EIF2B3: variants seen among roughly 807,000 people sequenced by gnomAD.
EIF2B3 encodes the protein eukaryotic translation initiation factor 2B subunit gamma, also known as translation initiation factor eIF2B subunit gamma.
A neutral mutation model predicts 54.1 loss-of-function variants in EIF2B3; 20 were observed. The observed-to-expected ratio is 0.37, with a 90% CI of 0.26 to 0.54. The LOEUF (loss-of-function observed/expected upper bound fraction) is 0.54, where lower values mean the gene tolerates loss of function less well. Ranked by LOEUF, EIF2B3 falls within the 20% of genes least tolerant of loss-of-function variation. The probability of loss-of-function intolerance (pLI) is 0.86; values close to 1 mark genes in which losing one functional copy is unlikely to be tolerated. For missense variants in EIF2B3, 448 were observed against 547.8 expected (o/e 0.82, Z 1.82); for synonymous variants, 153 against 188.1 (o/e 0.81, Z 1.52).
At chr1:44,976,296 GAACA>G in intron 3 of EIF2B3, among the ~76,000 whole-genome samples, 1 of 152,212 alleles carries the variant, frequency 6.6e-6, no homozygotes, top group South Asian at 2.1e-4. Flanking sequence ...CAAATGCTTT[GAACA>G]GACACTTCAT....
chr1:44,945,268 G>A (rs1353659480), intron 3 of EIF2B3, among the ~76,000 whole-genome samples: 1 of 148,930 alleles, frequency 6.7e-6, no homozygotes, highest in Non-Finnish European at 1.5e-5. Context: ...AAAAAAAAAA[G>A]TTCCCACTGG....
chr1:44,860,201 G>A (rs1393915127), intron 10 of EIF2B3, among the ~76,000 whole-genome samples: 1 of 152,092 alleles, frequency 6.6e-6, no homozygotes, highest in Non-Finnish European at 1.5e-5. Context: ...CCAGGCTGGA[G>A]TGCAGTGGCG....
intron 2 of EIF2B3, among the ~76,000 whole-genome samples, chr1:44,980,048 A>T (rs1407347490): frequency 1.3e-5 from 2 of 152,176 alleles, no homozygotes; most frequent in Admixed American, 1.3e-4. Flanking sequence ...TGGAATGAAC[A>T]CTGGATCACA....
Position 44,913,079 on chromosome 1 carries a change from C to T in EIF2B3, c.566+13549G>A, listed in dbSNP as rs187793934. ...GCAGTTCGTAATTCTAGAAATATTA[C>T]ATTGGTGCAAAAGCAATTGCGGTTT... On this transcript the variant is annotated intron_variant, in intron 5 of 11. Transcript: ENST00000360403. Among the ~76,000 whole-genome samples the T allele has an allele frequency of 3.9e-4, 42 of 107,426 alleles. 1 individual carries two copies. The highest frequency in any genetic ancestry group is 1.5e-3 in the African/African-American group (41 of 28,058). 70.5% of individuals were successfully genotyped at this position (107,426 alleles called of 152,430 possible).
chr1:44,926,703 C>G lies in EIF2B3; in HGVS notation c.491G>C (p.Gly164Ala). The change falls in exon 5 of 12, where the codon GGA becomes GCA. Residue 164 changes from glycine to alanine, a missense_variant. Physicochemically the swap from Gly to Ala is moderately conservative, Grantham distance 60. Transcript: ENST00000360403. ...ATTAGCCATGAAGAGCAGCCTCTTT[C>G]CTGTGCTGTCCACTCCAATGAAGTC... is the stretch of plus-strand genomic sequence containing the variant. ...QRDFIGVDST[G>A]KRLLFMANEA... The G allele has an allele frequency of 6.2e-7, 1 of 1,613,908 alleles. No individual in the cohort carries two copies. The highest frequency in any genetic ancestry group is 8.5e-7 in the Non-Finnish European group (1 of 1,180,006).
At chr1:44,895,903 C>G (rs1164695827) in intron 6 of EIF2B3, among the ~76,000 whole-genome samples, 1 of 152,166 alleles carries the variant, frequency 6.6e-6, no homozygotes, top group Non-Finnish European at 1.5e-5. Context: ...AAGGCCTAGG[C>G]TCATTTCATA....
chr1:44,979,690 G>A (rs558746929), intron 2 of EIF2B3, among the ~76,000 whole-genome samples: 10 of 151,536 alleles, frequency 6.6e-5, no homozygotes, highest in Admixed American at 5.3e-4. Context: ...GGGGCCATGC[G>A]TAGTGGCTCA....
intron 1 of EIF2B3, among the ~76,000 whole-genome samples, chr1:44,984,104 G>A (rs1431589667): frequency 6.6e-6 from 1 of 152,208 alleles, no homozygotes; most frequent in East Asian, 1.9e-4. Flanking sequence ...ACAGGAACCC[G>A]GGAGGCAGCA....
At chr1:44,899,433 A>C (rs263967) in intron 5 of EIF2B3, among the ~76,000 whole-genome samples, 38,242 of 152,112 alleles carry the variant, frequency 0.25, 5,956 homozygotes, top group African/African-American at 0.45. Flanking sequence ...AACTATGCAA[A>C]TGACAAAGGT....
chr1:44,963,278 CT>C (rs373810618), intron 3 of EIF2B3, among the ~76,000 whole-genome samples: 136 of 143,246 alleles, frequency 9.5e-4, no homozygotes, highest in Admixed American at 8.4e-4. Context: ...GGGGGGAAAT[CT>C]TTTTTTTTTT....
chr1:44,948,889 TCTATTGCCCAGG>T (rs1438350867), intron 3 of EIF2B3, among the ~76,000 whole-genome samples: 10 of 151,946 alleles, frequency 6.6e-5, no homozygotes, highest in South Asian at 2.1e-4. Flanking sequence ...AGAGTCTCGC[TCTATTGCCCAGG>T]CTATTGCCCA....
At chr1:44,953,255 GAAAAAAAAGAA>G (rs1368117327) in intron 3 of EIF2B3, among the ~76,000 whole-genome samples, 1 of 142,618 alleles carries the variant, frequency 7.0e-6, no homozygotes, top group South Asian at 2.3e-4. Context: ...ATTTTTCATT[GAAAAAAAAGAA>G]AAAAAAAAGA....
At chr1:44,960,694 C>T (rs1301475393) in intron 3 of EIF2B3, among the ~76,000 whole-genome samples, 3 of 151,658 alleles carry the variant, frequency 2.0e-5, no homozygotes, top group Non-Finnish European at 2.9e-5. Context: ...AGCATTTACA[C>T]TGTAGATATT....
At chr1:44,983,646 C>T (rs1310998371) in intron 1 of EIF2B3, among the ~76,000 whole-genome samples, 1 of 151,736 alleles carries the variant, frequency 6.6e-6, no homozygotes, top group Non-Finnish European at 1.5e-5. Context: ...CCCAGGCGGG[C>T]GGATCACCTG....
intron 3 of EIF2B3, among the ~76,000 whole-genome samples, chr1:44,945,817 G>A (rs1436094840): frequency 6.6e-6 from 1 of 151,998 alleles, no homozygotes; most frequent in African/African-American, 2.4e-5. Flanking sequence ...ATTTGCTGAG[G>A]AAAAAAATCC....
intron 3 of EIF2B3, among the ~76,000 whole-genome samples, chr1:44,957,756 G>C (rs938099326): frequency 2.6e-5 from 4 of 151,392 alleles, no homozygotes; most frequent in Non-Finnish European, 5.9e-5. Flanking sequence ...GCAAGACTCC[G>C]TCTCCAAAAA....
chr1:44,862,423 G>T (rs1467844293), intron 10 of EIF2B3, among the ~76,000 whole-genome samples: 4 of 152,234 alleles, frequency 2.6e-5, no homozygotes, highest in Non-Finnish European at 5.9e-5. Context: ...ATCACTGCTT[G>T]GCCAGGCACA....
intron 5 of EIF2B3, among the ~76,000 whole-genome samples, chr1:44,918,356 A>G (rs1046672969): frequency 1.3e-5 from 2 of 151,736 alleles, no homozygotes; most frequent in Non-Finnish European, 2.9e-5. Context: ...TGCTGGGATT[A>G]TAGGAGTGAG....
intron 5 of EIF2B3, among the ~76,000 whole-genome samples, chr1:44,926,406 T>G (rs1643851261): frequency 6.6e-6 from 1 of 152,140 alleles, no homozygotes. Context: ...TTTGCTTTAC[T>G]CTTTTGCAGG....
Sources: gnomAD v4.1 joint callset for allele counts (sites outside exome capture counted in the v4.1 genomes callset) on GRCh38, gnomAD v4.1.1 for gene constraint, MANE v1.5 for transcripts, NCBI Gene and HGNC (gene_info 2026-07-23, HGNC 2026-07-21) for gene names.